STK3: variants seen among roughly 807,000 people sequenced by gnomAD.
The protein encoded by STK3 is serine/threonine kinase 3.
In STK3, 41 loss-of-function variants were observed where a neutral mutation model predicts 58.0. The ratio of observed to expected loss-of-function variants is 0.71; its 90% confidence interval spans 0.55 to 0.92. The LOEUF (loss-of-function observed/expected upper bound fraction) is 0.92, where lower values mean the gene tolerates loss of function less well. STK3 is among the 40% of genes least tolerant of loss of function. The pLI, the probability that STK3 is intolerant of heterozygous loss-of-function variation, is 0.00. For missense variants in STK3, 479 were observed against 602.7 expected (o/e 0.79, Z 2.15); for synonymous variants, 170 against 191.0 (o/e 0.89, Z 0.91).
chr8:98,347,554 T>G, the STK3 span, among the ~76,000 whole-genome samples: 1 of 151,724 alleles, frequency 6.6e-6, no homozygotes, highest in Non-Finnish European at 1.5e-5. Flanking sequence ...CACAGCGTAT[T>G]AATCCAAAAA....
chr8:98,498,419 T>C (rs1345775848), intron 10 of STK3, among the ~76,000 whole-genome samples: 1 of 152,132 alleles, frequency 6.6e-6, no homozygotes, highest in East Asian at 1.9e-4. Context: ...AGTGATACAA[T>C]AGGAGAATGG....
chr8:98,577,647 C>A (rs1193192749), intron 8 of STK3, among the ~76,000 whole-genome samples: 2 of 152,144 alleles, frequency 1.3e-5, no homozygotes, highest in African/African-American at 4.8e-5. Context: ...GGAAGTGAAT[C>A]CTCCAGCCCT....
At chr8:98,872,876 G>T (rs1031165479) in intron 3 of STK3, among the ~76,000 whole-genome samples, 1 of 152,070 alleles carries the variant, frequency 6.6e-6, no homozygotes, top group Admixed American at 6.5e-5. Context: ...CTTGCCTTCT[G>T]CTAGCTTTTG....
At chr8:98,591,203 T>G (rs1448524053) in intron 7 of STK3, among the ~76,000 whole-genome samples, 1 of 152,242 alleles carries the variant, frequency 6.6e-6, no homozygotes, top group South Asian at 2.1e-4. Flanking sequence ...GAGGTATTAA[T>G]AAGTCCCAGC....
chr8:98,652,382 G>C (rs7814522), intron 6 of STK3, among the ~76,000 whole-genome samples: 1 of 152,076 alleles, frequency 6.6e-6, no homozygotes, highest in Non-Finnish European at 1.5e-5. Context: ...AAATCATGCC[G>C]AATTGTAAAG....
chr8:98,732,583 T>C (rs537005603), intron 4 of STK3, among the ~76,000 whole-genome samples: 1 of 152,322 alleles, frequency 6.6e-6, no homozygotes, highest in South Asian at 2.1e-4. Context: ...CTTATTCTTG[T>C]ATCATGAAGA....
chr8:98,830,704 C>T (rs1364050852), intron 3 of STK3, among the ~76,000 whole-genome samples: 1 of 152,128 alleles, frequency 6.6e-6, no homozygotes, highest in East Asian at 1.9e-4. Context: ...GGCGCGGTGG[C>T]TCACGCCTGT....
intron 8 of STK3, among the ~76,000 whole-genome samples, chr8:98,554,969 T>C (rs565564455): frequency 5.9e-5 from 9 of 152,114 alleles, no homozygotes; most frequent in Non-Finnish European, 7.4e-5. Flanking sequence ...TGATACTTCA[T>C]AGAAAAAGGT....
At chr8:98,723,104 A>G (rs1229297410) in intron 4 of STK3, 3 of 230,658 alleles carry the variant, frequency 1.3e-5, no homozygotes, top group Non-Finnish European at 2.6e-5. Flanking sequence ...TTAGGTCACT[A>G]TACAAATGGT....
At chr8:98,545,702 T>C (rs957780961) in intron 9 of STK3, among the ~76,000 whole-genome samples, 3 of 152,144 alleles carry the variant, frequency 2.0e-5, no homozygotes, top group African/African-American at 7.2e-5. Context: ...AAATCTTCAG[T>C]ACACATTGTA....
intron 1 of STK3, chr8:98,889,664 T>G: frequency 6.6e-6 from 1 of 152,200 alleles, no homozygotes; most frequent in East Asian, 1.9e-4. Context: ...AATGTTTTTT[T>G]ACCCTCAACG....
chr8:98,505,741 A>G (rs1824007932), intron 10 of STK3, among the ~76,000 whole-genome samples: 1 of 152,064 alleles, frequency 6.6e-6, no homozygotes. Context: ...AACAGCAAAT[A>G]TTGCTGCCTG....
At chr8:98,649,568 T>C (rs56185259) in intron 6 of STK3, among the ~76,000 whole-genome samples, 4,415 of 152,298 alleles carry the variant, frequency 0.029, 97 homozygotes, top group South Asian at 0.061. Context: ...CATTTTCCCA[T>C]TGAGCTCAAA....
At chr8:98,698,501 C>A (rs1002287836) in intron 6 of STK3, among the ~76,000 whole-genome samples, 1 of 152,134 alleles carries the variant, frequency 6.6e-6, no homozygotes, top group Non-Finnish European at 1.5e-5. Context: ...GTGGCTGGTA[C>A]CGGTTGTTCC....
intron 6 of STK3, among the ~76,000 whole-genome samples, chr8:98,634,421 AC>A (rs1390481033): frequency 2.6e-5 from 4 of 151,630 alleles, no homozygotes; most frequent in Non-Finnish European, 5.9e-5. Flanking sequence ...GATCACTTGA[AC>A]CCAGGAAGCG....
chr8:98,404,068 A>G (rs571234219), intron 3 of STK3, among the ~76,000 whole-genome samples: 1 of 152,238 alleles, frequency 6.6e-6, no homozygotes, highest in African/African-American at 2.4e-5. Context: ...GGCAGAGTTT[A>G]TGCACTGAAT....
upstream of STK3, among the ~76,000 whole-genome samples, chr8:98,393,234 C>G (rs1025499828): frequency 2.0e-5 from 3 of 152,166 alleles, no homozygotes; most frequent in African/African-American, 7.2e-5. Flanking sequence ...ACTGGCATGT[C>G]TGAACATGGT....
chr8:98,708,294 A>C (rs1316573553), intron 4 of STK3, among the ~76,000 whole-genome samples: 1 of 152,168 alleles, frequency 6.6e-6, no homozygotes, highest in African/African-American at 2.4e-5. Flanking sequence ...GTAAATTCAG[A>C]TACTTCCCCT....
chr8:98,783,143 C>G (rs1179609993), intron 1 of STK3, among the ~76,000 whole-genome samples: 1 of 152,094 alleles, frequency 6.6e-6, no homozygotes, highest in Non-Finnish European at 1.5e-5. Context: ...AGAGATACTG[C>G]AGGTTCAGTT....
Sources: gnomAD v4.1 joint callset for allele counts (sites outside exome capture counted in the v4.1 genomes callset) on GRCh38, gnomAD v4.1.1 for gene constraint, MANE v1.5 for transcripts, NCBI Gene and HGNC (gene_info 2026-07-23, HGNC 2026-07-21) for gene names.